The following PRKDC variants were observed in gnomAD, a reference collection of about 807,000 sequenced individuals.
The protein encoded by PRKDC is protein kinase, DNA-activated, catalytic subunit.
In PRKDC, 82 loss-of-function variants were observed where a neutral mutation model predicts 486.9. The ratio of observed to expected loss-of-function variants is 0.17; its 90% CI spans 0.14 to 0.20. The LOEUF is 0.20. PRKDC is among the 10% of genes least tolerant of loss of function. The pLI is 1.00. For missense variants in PRKDC, 4,504 were observed against 5,038.2 expected (o/e 0.89, Z 3.21); for synonymous variants, 1,895 against 1,837.0 (o/e 1.03, Z -0.81).
At chr8:47,788,121 C>A (rs1340219203) in intron 76 of PRKDC, among the ~76,000 whole-genome samples, 1 of 152,176 alleles carries the variant, frequency 6.6e-6, no homozygotes, top group Non-Finnish European at 1.5e-5. Context: ...AAAGAAAAGT[C>A]AGTATGACCC....
rs544214860 is a variant in PRKDC, at chr8:47,902,144, C to T, written c.3269+425G>A. On this transcript the variant is annotated intron_variant, in intron 27 of 85. Transcript: ENST00000314191. ...CCTCAAAGGACTTTATCGCCTCAGACACCTTCCTATTTCTTATCTCTACCC... is the reference window on the plus strand; with the variant it reads ...CCTCAAAGGACTTTATCGCCTCAGATACCTTCCTATTTCTTATCTCTACCC... Among the ~76,000 whole-genome samples, 3 of 152,288 alleles carry T rather than the reference C, an allele frequency of 2.0e-5. No individual in the cohort carries two copies. The East Asian group carries it at 5.8e-4, about 29-fold the overall frequency.
intron 25 of PRKDC, among the ~76,000 whole-genome samples, chr8:47,907,812 A>C (rs1315019745): frequency 6.6e-6 from 1 of 152,102 alleles, no homozygotes; most frequent in Non-Finnish European, 1.5e-5. Flanking sequence ...TACACGTGTA[A>C]AAATAAAAAT....
chr8:47,919,877 G>A (rs1449642653), intron 21 of PRKDC, among the ~76,000 whole-genome samples: 2 of 152,122 alleles, frequency 1.3e-5, no homozygotes, highest in Non-Finnish European at 2.9e-5. Flanking sequence ...GCAGCACTGC[G>A]ACATGTTCGT....
Position 47,927,803 on chromosome 8 carries a change from G to A in PRKDC, c.2227C>T (p.Leu743Phe). ...GCAGGAACGTAGGCTCTAACATCGA[G>A]TTCAATGATGTTGTGTGGCAAGGAC... Reference protein sequence around the residue: ...LLSLPHNIIELDVRAYVPALQ... With the variant: ...LLSLPHNIIEFDVRAYVPALQ... Residue 743 changes from leucine (L) to phenylalanine (F), a missense_variant, in exon 20 of 86, where the codon CTC becomes TTC. This residue lies in a region of PRKDC where 1,969 missense variants were observed against 2,068.9 expected (regional missense o/e 0.95). Transcript: ENST00000314191. 11 of 1,586,404 alleles carry A rather than the reference G, an allele frequency of 6.9e-6. No homozygotes were observed. The highest frequency in any genetic ancestry group is 8.6e-6 in the Non-Finnish European group (10 of 1,168,534).
intron 25 of PRKDC, among the ~76,000 whole-genome samples, chr8:47,911,625 T>C (rs1034113049): frequency 1.3e-5 from 2 of 152,222 alleles, no homozygotes; most frequent in East Asian, 1.9e-4. Flanking sequence ...TTTTTAAGTG[T>C]GTACCCTGAT....
chr8:47,842,166 C>T (rs879339507), intron 54 of PRKDC, among the ~76,000 whole-genome samples: 2 of 152,090 alleles, frequency 1.3e-5, no homozygotes, highest in Non-Finnish European at 2.9e-5. Flanking sequence ...CCCACCAGGG[C>T]CCCCCTTGGG....
intron 48 of PRKDC, 22 bp downstream of exon 48, chr8:47,858,494 A>G: frequency 6.9e-7 from 1 of 1,444,856 alleles, no homozygotes; most frequent in Non-Finnish European, 9.3e-7. Flanking sequence ...TTCAAAGAAT[A>G]AAGAAATAAT....
Position 47,935,871 on chromosome 8 carries a change from C to T in PRKDC, c.1308G>A (p.Glu436=). The T allele has an allele frequency of 6.2e-7, 1 of 1,613,918 alleles. No homozygotes were observed. The change falls in exon 13 of 86, where the codon GAG becomes GAA. Residue 436 remains glutamate, a synonymous_variant. Coordinates refer to ENST00000314191, the MANE Select transcript of PRKDC (RefSeq NM_006904.7). ...TGTCTATCTGCATCACCACGAGGTGCTCCAGAACTGGAGTATACACCTCAG... is the reference window on the plus strand; with the variant it reads ...TGTCTATCTGCATCACCACGAGGTGTTCCAGAACTGGAGTATACACCTCAG... ...TVPEVYTPVL[E]HLVVMQIDSF...
chr8:47,953,123 G>A (rs1307170455), intron 7 of PRKDC, among the ~76,000 whole-genome samples: 3 of 151,972 alleles, frequency 2.0e-5, no homozygotes, highest in South Asian at 2.1e-4. Flanking sequence ...CCTGGGCTAC[G>A]GAGCGAGACT....
intron 45 of PRKDC, among the ~76,000 whole-genome samples, 167 bp from the exon 46 acceptor site, chr8:47,859,926 T>C (rs2088636981): frequency 6.6e-6 from 1 of 152,106 alleles, no homozygotes; most frequent in African/African-American, 2.4e-5. Context: ...AAAAAAGAAA[T>C]GGGGAAAAGA....
intron 49 of PRKDC, among the ~76,000 whole-genome samples, chr8:47,856,572 C>T (rs2088545989): frequency 6.6e-6 from 1 of 152,182 alleles, no homozygotes; most frequent in South Asian, 2.1e-4. Context: ...TTCTTACCAT[C>T]TCCTCACATG....
At chr8:47,878,498 C>A (rs1377151697) in intron 39 of PRKDC, among the ~76,000 whole-genome samples, 2 of 152,168 alleles carry the variant, frequency 1.3e-5, no homozygotes, top group Non-Finnish European at 2.9e-5. Flanking sequence ...CCCCCTCCTT[C>A]ACCATGCCAG....
At position 47,820,892 on chromosome 8, in the gene PRKDC, C is replaced by G. The variant is rs757600257; in HGVS notation, c.9163G>C (p.Gly3055Arg). The change falls in exon 66 of 86, where the codon GGA becomes CGA. Residue 3055 changes from glycine to arginine, a missense_variant. Around this residue, in one of 6 missense-constraint regions of PRKDC, gnomAD observed 1,592 missense variants for 1,724.6 expected, o/e 0.92. Transcript: ENST00000314191. ...GTCAGCAGGGACTGGTCAGCCTCTC[C>G]CTGGAGCAGCAGCTTCAGCTTGCTG... ...IRSKLKLLLQ[G>R]EADQSLLTFI... 6.2e-7 allele frequency: 1 copy of G among 1,608,896 alleles called. No individual in the cohort carries two copies.
chr8:47,840,987 G>C (rs2088127291), intron 54 of PRKDC, among the ~76,000 whole-genome samples: 1 of 152,224 alleles, frequency 6.6e-6, no homozygotes, highest in South Asian at 2.1e-4. Flanking sequence ...AGCATCAATA[G>C]AGAGGCAACA....
intron 1 of PRKDC, among the ~76,000 whole-genome samples, chr8:47,957,793 C>A (rs539876372): frequency 6.6e-6 from 1 of 152,142 alleles, no homozygotes; most frequent in Admixed American, 6.5e-5. Context: ...GGATTACAGG[C>A]GTGAGCCACC....
chr8:47,807,173 G>A lies in PRKDC; in HGVS notation c.9711C>T (p.Ser3237=). The A allele has an allele frequency of 2.5e-6, 4 of 1,613,818 alleles. No individual in the cohort carries two copies. Among genetic ancestry groups the A allele is most frequent in the Non-Finnish European group, 3.4e-6 (4 of 1,179,832 alleles). Residue 3237 remains serine (S), a synonymous_variant, in exon 69 of 86, where the codon TCC becomes TCT. Transcript: ENST00000314191. Reference sequence around the variant, plus strand: ...CACTGTCTATCATCTTCATTTTCATGGAAAACTTGCAACTCCTGATCAGGG... The same window carrying A: ...CACTGTCTATCATCTTCATTTTCATAGAAAACTTGCAACTCCTGATCAGGG... The part of the protein sequence containing the change: ...ISSLIRSCKF[S]MKMKMIDSAR...
At chr8:47,942,289 T>C (rs569494361) in intron 10 of PRKDC, among the ~76,000 whole-genome samples, 1 of 152,184 alleles carries the variant, frequency 6.6e-6, no homozygotes, top group African/African-American at 2.4e-5. Context: ...CAAGGTAACC[T>C]CAAAGCCAAG....
intron 68 of PRKDC, among the ~76,000 whole-genome samples, chr8:47,809,029 GGAAA>G (rs1035273633): frequency 1.3e-5 from 2 of 150,174 alleles, no homozygotes; most frequent in African/African-American, 4.9e-5. Flanking sequence ...GTGCGTGGAA[GGAAA>G]GAAAGAAAGG....
intron 31 of PRKDC, among the ~76,000 whole-genome samples, chr8:47,891,849 G>T (rs771349844): frequency 6.6e-6 from 1 of 152,128 alleles, no homozygotes; most frequent in African/African-American, 2.4e-5. Context: ...AACCAAATAT[G>T]GCACTTATTT....
Sources: allele counts gnomAD v4.1 joint callset (sites outside exome capture counted in the v4.1 genomes callset), GRCh38; gene constraint gnomAD v4.1.1; regional missense constraint gnomAD v4.1.1; transcripts MANE v1.5; gene names NCBI Gene and HGNC (gene_info 2026-07-23, HGNC 2026-07-21).